CTIF: variants seen among roughly 807,000 people sequenced by gnomAD.
CTIF encodes the protein cap binding complex dependent translation initiation factor, also known as CBP80/20-dependent translation initiation factor.
Under a neutral mutation model 66.0 loss-of-function variants are expected in CTIF, and 21 were observed. The observed-to-expected ratio is 0.32, with a 90% CI of 0.23 to 0.46. The LOEUF (loss-of-function observed/expected upper bound fraction) is 0.46. Ranked by LOEUF, CTIF falls within the 20% of genes least tolerant of loss-of-function variation. The pLI is 1.00. For synonymous variants in CTIF, 345 were observed against 326.4 expected (o/e 1.06, Z -0.62); for missense variants, 739 against 812.7 (o/e 0.91, Z 1.10).
chr18:48,605,889 T>C (rs986781954), intron 1 of CTIF, among the ~76,000 whole-genome samples: 2 of 152,240 alleles, frequency 1.3e-5, no homozygotes, highest in Non-Finnish European at 2.9e-5. Flanking sequence ...AGTGGGTTCC[T>C]GATGGAATTA....
chr18:48,559,296 C>T (rs16949467), intron 1 of CTIF, among the ~76,000 whole-genome samples: 2,624 of 151,924 alleles, frequency 0.017, 78 homozygotes, highest in African/African-American at 0.061. Flanking sequence ...TAGTTTTCCC[C>T]GAATATCTTA....
chr18:48,733,337 C>T (rs964690947), intron 7 of CTIF, among the ~76,000 whole-genome samples: 3 of 152,166 alleles, frequency 2.0e-5, no homozygotes, highest in African/African-American at 7.2e-5. Context: ...CTGCCTGTCT[C>T]TTCTGGGAGT....
intron 1 of CTIF, among the ~76,000 whole-genome samples, chr18:48,557,122 G>A (rs536806288): frequency 5.2e-4 from 79 of 152,278 alleles, no homozygotes; most frequent in South Asian, 2.9e-3. Flanking sequence ...AAAAGCAGAT[G>A]GGATTGCAGA....
At chr18:48,654,452 A>G (rs1277274357) in intron 3 of CTIF, among the ~76,000 whole-genome samples, 1 of 152,264 alleles carries the variant, frequency 6.6e-6, no homozygotes, top group African/African-American at 2.4e-5. Context: ...TAGAATGACA[A>G]TCATTAAAAA....
intron 10 of CTIF, among the ~76,000 whole-genome samples, chr18:48,838,904 C>T (rs552308606): frequency 1.4e-4 from 22 of 152,246 alleles, no homozygotes; most frequent in South Asian, 2.1e-4. Flanking sequence ...GACACCTCCC[C>T]GGGCCTGCCC....
chr18:48,794,358 G>A (rs2067862070), intron 9 of CTIF, among the ~76,000 whole-genome samples: 1 of 152,202 alleles, frequency 6.6e-6, no homozygotes, highest in Admixed American at 6.5e-5. Flanking sequence ...GTGCTGGAAA[G>A]ACAGGGTCGG....
At position 48,862,281 on chromosome 18, in the gene CTIF, C is replaced by T. The variant is rs929391770; in HGVS notation, c.*2722C>T. The T allele has an allele frequency of 6.6e-6, 1 of 152,282 alleles. No individual in the cohort carries two copies. Among genetic ancestry groups the T allele is most frequent in the Non-Finnish European group, 1.5e-5 (1 of 68,062 alleles). The allele number at this position is 152,282 out of a possible 1,614,324, so 9.4% of individuals were successfully genotyped here. On this transcript the variant is annotated 3_prime_UTR_variant, in exon 12 of 12. Coordinates refer to ENST00000256413, the MANE Select transcript of CTIF (RefSeq NM_014772.3). Reference sequence around the variant, plus strand: ...CTGGATATTGCATTTCTAAGGCTTGCATTGCTTTCCCCTCGCCCGCGGTTC... The same window carrying T: ...CTGGATATTGCATTTCTAAGGCTTGTATTGCTTTCCCCTCGCCCGCGGTTC...
At chr18:48,831,818 C>A (rs976872331) in intron 10 of CTIF, among the ~76,000 whole-genome samples, 1 of 152,162 alleles carries the variant, frequency 6.6e-6, no homozygotes, top group Non-Finnish European at 1.5e-5. Flanking sequence ...ATATTTTTTA[C>A]GTTCTTCTCT....
intron 1 of CTIF, among the ~76,000 whole-genome samples, chr18:48,557,813 T>A (rs1315125508): frequency 6.6e-6 from 1 of 152,166 alleles, no homozygotes; most frequent in Non-Finnish European, 1.5e-5. Flanking sequence ...TCCCACACGG[T>A]CTCTCCTCTG....
intron 1 of CTIF, among the ~76,000 whole-genome samples, chr18:48,572,213 C>T (rs1164064467): frequency 6.6e-6 from 1 of 152,068 alleles, no homozygotes; most frequent in African/African-American, 2.4e-5. Context: ...AGGAGGCCCA[C>T]CAACATTACA....
intron 10 of CTIF, among the ~76,000 whole-genome samples, chr18:48,829,575 C>T (rs925990873): frequency 2.0e-5 from 3 of 152,224 alleles, no homozygotes; most frequent in South Asian, 2.1e-4. Context: ...AGTGGGCCCC[C>T]GCCTTGCCCA....
Position 48,860,455 on chromosome 18 carries a change from G to T in CTIF, c.*896G>T, listed in dbSNP as rs538931844. The T allele has an allele frequency of 2.3e-3, 357 of 157,474 alleles. 1 individual carries two copies. Among genetic ancestry groups the T allele is most frequent in the Non-Finnish European group, 3.9e-3 (281 of 71,194 alleles). The allele number at this position is 157,474 out of a possible 1,614,324, so 9.8% of individuals were successfully genotyped here. ...GTAATTGGAAACTTCTGCCCCGGCG[G>T]GGGGTCCCCGCTGGAATCCTGTGTT... On this transcript the variant is annotated 3_prime_UTR_variant, in exon 12 of 12. Transcript: ENST00000256413.
At chr18:48,700,779 A>T (rs2092074371) in intron 6 of CTIF, among the ~76,000 whole-genome samples, 1 of 152,150 alleles carries the variant, frequency 6.6e-6, no homozygotes, top group Non-Finnish European at 1.5e-5. Context: ...GACTCCACTC[A>T]ATTTGCGTGT....
chr18:48,592,874 G>A (rs1191577129), intron 1 of CTIF, among the ~76,000 whole-genome samples: 4 of 152,218 alleles, frequency 2.6e-5, no homozygotes, highest in Non-Finnish European at 4.4e-5. Context: ...AAAGGGAATC[G>A]CTGCAAAACA....
intron 1 of CTIF, among the ~76,000 whole-genome samples, chr18:48,618,922 C>T (rs780141764): frequency 7.9e-5 from 12 of 152,226 alleles, no homozygotes; most frequent in East Asian, 1.9e-4. Flanking sequence ...AATCCAGTCA[C>T]GTTCCTGCAG....
chr18:48,828,778 T>A (rs2068633267), intron 10 of CTIF, among the ~76,000 whole-genome samples: 1 of 152,206 alleles, frequency 6.6e-6, no homozygotes, highest in Non-Finnish European at 1.5e-5. Context: ...GTTCTCTGCG[T>A]TCCCTGCAGA....
chr18:48,670,183 A>G (rs963157969), intron 5 of CTIF, among the ~76,000 whole-genome samples: 1 of 152,134 alleles, frequency 6.6e-6, no homozygotes, highest in East Asian at 1.9e-4. Flanking sequence ...GCCCACTCAC[A>G]GAGGACATGA....
chr18:48,795,165 T>C (rs1008336984), intron 9 of CTIF, among the ~76,000 whole-genome samples: 15 of 152,174 alleles, frequency 9.9e-5, no homozygotes, highest in African/African-American at 2.7e-4. Flanking sequence ...AGCTTACCTT[T>C]TACTTGAAGG....
chr18:48,634,023 T>A (rs1443121611), intron 2 of CTIF, among the ~76,000 whole-genome samples: 2 of 152,212 alleles, frequency 1.3e-5, no homozygotes, highest in Admixed American at 6.5e-5. Flanking sequence ...TGTTCCAGGA[T>A]CCAAATTTGC....
Sources: allele counts gnomAD v4.1 joint callset (sites outside exome capture counted in the v4.1 genomes callset), GRCh38; gene constraint gnomAD v4.1.1; transcripts MANE v1.5; gene names NCBI Gene and HGNC (gene_info 2026-07-23, HGNC 2026-07-21).